ADAMTS7: variants seen among roughly 807,000 people sequenced by gnomAD.
The protein encoded by ADAMTS7 is ADAM metallopeptidase with thrombospondin type 1 motif 7, also known as A disintegrin and metalloproteinase with thrombospondin motifs 7.
A neutral mutation model predicts 172.6 loss-of-function variants in ADAMTS7; 89 were observed. That is an observed-to-expected ratio of 0.52 (90% CI 0.43 to 0.61). ADAMTS7 has a LOEUF of 0.61. Ranked by LOEUF, ADAMTS7 falls within the 20% of genes least tolerant of loss-of-function variation. The probability of loss-of-function intolerance (pLI) is 0.00; values close to 1 mark genes in which losing one functional copy is unlikely to be tolerated. For synonymous variants in ADAMTS7, 885 were observed against 978.4 expected (o/e 0.90, Z 1.78); for missense variants, 1,973 against 2,355.6 (o/e 0.84, Z 3.36).
Position 78,789,787 on chromosome 15 carries a change from G to A in ADAMTS7, c.1080C>T (p.Ser360=), listed in dbSNP as rs1324443747. 1.2e-6 allele frequency: 2 copies of A among 1,609,534 alleles called. No individual in the cohort carries two copies. The highest frequency in any genetic ancestry group is 1.7e-6 in the Non-Finnish European group (2 of 1,178,260). ...MNRPCETLGL[S]HVAGMCQPHR... ...GCGGCTGGCACATGCCCGCCACATG[G>A]GACAGTCCCAGGGTCTCACAGGGCC... The change falls in exon 7 of 24, where the codon TCC becomes TCT. Residue 360 remains serine, a synonymous_variant. Transcript: ENST00000388820.
rs2055108370 is a variant in ADAMTS7, at chr15:78,764,562, C to G, written c.4412G>C (p.Trp1471Ser). 1.3e-6 allele frequency: 2 copies of G among 1,550,024 alleles called. No individual in the cohort carries two copies. Among genetic ancestry groups the G allele is most frequent in the Non-Finnish European group, 1.7e-6 (2 of 1,155,540 alleles). The change falls in exon 20 of 24, where the codon TGG (tryptophan) becomes TCG (serine). Residue 1471 changes from tryptophan to serine, a missense_variant. This residue lies in a region of ADAMTS7 where 218 missense variants were observed against 216.9 expected (regional missense o/e 1.01). Transcript: ENST00000388820. Reference protein sequence around the residue: ...RPCATWHSGNWSKCSRSCGGG... With the variant: ...RPCATWHSGNSSKCSRSCGGG... ...GGCTCCATCCTCACGCACCTTACTC[C>G]AGTTGCCTGAGTGCCAGGTGGCACA... is the stretch of plus-strand genomic sequence containing the variant.
chr15:78,779,401 A>G (rs1233648124), intron 8 of ADAMTS7, among the ~76,000 whole-genome samples: 1 of 152,144 alleles, frequency 6.6e-6, no homozygotes, highest in Non-Finnish European at 1.5e-5. Flanking sequence ...TGTGATGGCC[A>G]GGATCTGGAG....
In ADAMTS7 at chr15:78,763,841, G is replaced by A. The variant is rs1267591397; in HGVS notation, c.4598C>T (p.Ser1533Phe). 6.3e-7 allele frequency: 1 copy of A among 1,582,964 alleles called. No homozygotes were observed. Among genetic ancestry groups the A allele is most frequent in the Non-Finnish European group, 8.6e-7 (1 of 1,168,250 alleles). Residue 1533 changes from serine (S) to phenylalanine (F), a missense_variant, in exon 22 of 24, where the codon TCC (serine) becomes TTC (phenylalanine). This residue lies in a region of ADAMTS7 where 218 missense variants were observed against 216.9 expected (regional missense o/e 1.01). Transcript: ENST00000388820. Reference sequence around the variant, plus strand: ...CTGCTCACCACCGCCACAGGCCTCGGAGCACTGGGTGGGCAGGGAAGGAGT... The same window carrying A: ...CTGCTCACCACCGCCACAGGCCTCGAAGCACTGGGTGGGCAGGGAAGGAGT... ...SWYTSSWREC[S>F]EACGGGEQQR...
intron 23 of ADAMTS7, among the ~76,000 whole-genome samples, chr15:78,760,958 T>C (rs1182151188): frequency 6.6e-6 from 1 of 152,096 alleles, no homozygotes; most frequent in African/African-American, 2.4e-5. Flanking sequence ...CTCTGCCCCA[T>C]CTGGTCCTCC....
At chr15:78,767,691 T>C in intron 17 of ADAMTS7, 99 bp from the exon 18 acceptor site, 4 of 1,165,046 alleles carry the variant, frequency 3.4e-6, no homozygotes, top group Non-Finnish European at 4.8e-6. Flanking sequence ...GCCCTCGGCA[T>C]TTGGGTAGAG....
chr15:78,788,568 T>TA (rs2055538087), intron 7 of ADAMTS7, among the ~76,000 whole-genome samples, 194 bp from the exon 8 acceptor site: 1 of 152,220 alleles, frequency 6.6e-6, no homozygotes, highest in South Asian at 2.1e-4. Flanking sequence ...AATGAGGGTA[T>TA]GACAGCTAGT....
Position 78,766,930 on chromosome 15 carries a change from C to T in ADAMTS7, c.2981G>A (p.Cys994Tyr), listed in dbSNP as rs2141476015. Reference protein sequence around the residue: ...ASEVTCSLPLCRWPLGTLGPE... With the variant: ...ASEVTCSLPLYRWPLGTLGPE... ...GCCCAGTGTGCCCAGGGGCCACCGA[C>T]AGAGTGGCAGAGAGCAGGTGACTTC... Residue 994 changes from cysteine to tyrosine, a missense_variant, in exon 19 of 24, where the codon TGT becomes TAT. Physicochemically the swap from Cys to Tyr is radical, Grantham distance 194. This residue lies in a region of ADAMTS7 where 771 missense variants were observed against 952.6 expected (regional missense o/e 0.81). Coordinates refer to ENST00000388820, the MANE Select transcript of ADAMTS7 (RefSeq NM_014272.5). 6.2e-7 allele frequency: 1 copy of T among 1,610,642 alleles called. No individual in the cohort carries two copies. The highest frequency in any genetic ancestry group is 8.5e-7 in the Non-Finnish European group (1 of 1,179,518).
intron 4 of ADAMTS7, 59 bp from the exon 5 acceptor site, chr15:78,791,282 G>GCCCCCGGCCCCCC: frequency 6.7e-7 from 1 of 1,488,260 alleles, no homozygotes; most frequent in Non-Finnish European, 9.1e-7. Flanking sequence ...AGCAGCCAAT[G>GCCCCCGGCCCCCC]CCCACCCCAA....
chr15:78,794,331 G>A (rs919803183), intron 4 of ADAMTS7, among the ~76,000 whole-genome samples: 7 of 152,232 alleles, frequency 4.6e-5, no homozygotes, highest in Non-Finnish European at 1.5e-5. Context: ...ATATTCACAA[G>A]GCTCCAGCCC....
At chr15:78,803,653 A>G (rs2055753934) in intron 1 of ADAMTS7, among the ~76,000 whole-genome samples, 2 of 152,184 alleles carry the variant, frequency 1.3e-5, no homozygotes, top group Admixed American at 1.3e-4. Context: ...GGGTTTTGCC[A>G]TGTTGGCAAG....
intron 8 of ADAMTS7, among the ~76,000 whole-genome samples, chr15:78,783,575 G>A (rs1237983096): frequency 6.6e-6 from 1 of 152,150 alleles, no homozygotes; most frequent in East Asian, 1.9e-4. Context: ...ACCACGCCTG[G>A]CCAAGGAAAC....
Position 78,789,672 on chromosome 15 carries a change from G to A in ADAMTS7, c.1178+17C>T, listed in dbSNP as rs1343164279. The A allele has an allele frequency of 6.2e-7, 1 of 1,613,376 alleles. No homozygotes were observed. Among genetic ancestry groups the A allele is most frequent in the Non-Finnish European group, 8.5e-7 (1 of 1,179,820 alleles). ...GAAGCTCGGCTCTCAGTGTAGCAAT[G>A]GGGGCAGGCACAGTACCTGTGCCCG... On this transcript the variant is annotated intron_variant, in intron 7 of 23. Transcript: ENST00000388820.
rs1224461159 is a variant in ADAMTS7 at position 78,760,967 on chromosome 15, C to CAT, written c.4904-1390_4904-1389insAT. Among the ~76,000 whole-genome samples, 1,390 of 152,212 alleles carry CAT rather than the reference C, an allele frequency of 9.1e-3. 26 individuals are homozygous for CAT. Among genetic ancestry groups the CAT allele is most frequent in the African/African-American group, 0.031 (1,304 of 41,532 alleles). On this transcript the variant is annotated intron_variant, in intron 23 of 23. Coordinates refer to ENST00000388820, the MANE Select transcript of ADAMTS7 (RefSeq NM_014272.5). The stretch of plus-strand genomic sequence containing the variant: ...TCTGTTCTCTGCCCCATCTGGTCCT[C>CAT]CCCCACTGGGATCATAACCACCCCG...
rs888402451 is a variant in ADAMTS7 at position 78,776,479 on chromosome 15, AATCATC to A, written c.1561-152_1561-147del. The stretch of plus-strand genomic sequence containing the variant: ...AGAGAGGCACCCTCACAATCATCAC[AATCATC>A]TGTGACCCAGGCCACATGGAGGAGC... On this transcript the variant is annotated intron_variant, in intron 10 of 23. Coordinates refer to ENST00000388820, the MANE Select transcript of ADAMTS7 (RefSeq NM_014272.5). 5 of 1,264,516 alleles carry A rather than the reference AATCATC, an allele frequency of 4.0e-6. No individual in the cohort carries two copies. In the African/African-American group the frequency reaches 7.5e-5, roughly 19 times the overall value. 78.3% of individuals were successfully genotyped at this position (1,264,516 alleles called of 1,614,324 possible).
At chr15:78,795,099 GT>G (rs755253640) in intron 4 of ADAMTS7, among the ~76,000 whole-genome samples, 11 of 152,212 alleles carry the variant, frequency 7.2e-5, no homozygotes, top group Non-Finnish European at 1.2e-4. Flanking sequence ...TTAACCATTG[GT>G]GGCTCAAGTC....
Position 78,789,676 on chromosome 15 carries a change from G to T in ADAMTS7, c.1178+13C>A. On this transcript the variant is annotated intron_variant, in intron 7 of 23. Transcript: ENST00000388820. Reference sequence around the variant, plus strand: ...CTCGGCTCTCAGTGTAGCAATGGGGGCAGGCACAGTACCTGTGCCCGAGCT... The same window carrying T: ...CTCGGCTCTCAGTGTAGCAATGGGGTCAGGCACAGTACCTGTGCCCGAGCT... The T allele has an allele frequency of 6.2e-7, 1 of 1,613,464 alleles. No homozygotes were observed. Among genetic ancestry groups the T allele is most frequent in the African/African-American group, 1.3e-5 (1 of 75,058 alleles).
At position 78,768,192 on chromosome 15, in the gene ADAMTS7, G is replaced by C. The variant is rs751406598; in HGVS notation, c.2586C>G (p.Asp862Glu). ...GTTGGTCATCAGGCCGGCCCAGGGGGTCACAGTGCTCCTCGTCCACGGGCC... is the reference window on the plus strand; with the variant it reads ...GTTGGTCATCAGGCCGGCCCAGGGGCTCACAGTGCTCCTCGTCCACGGGCC... ...QAGPVDEEHC[D>E]PLGRPDDQQR... Residue 862 changes from aspartate (D) to glutamate (E), a missense_variant, in exon 17 of 24, where the codon GAC becomes GAG. Physicochemically the swap from Asp to Glu is conservative, Grantham distance 45. Around this residue, in one of 8 missense-constraint regions of ADAMTS7, gnomAD observed 771 missense variants for 952.6 expected, o/e 0.81. Transcript: ENST00000388820. 6.2e-7 allele frequency: 1 copy of C among 1,609,976 alleles called. No individual in the cohort carries two copies. The highest frequency in any genetic ancestry group is 1.1e-5 in the South Asian group (1 of 90,774).
In ADAMTS7 at chr15:78,763,921, C is replaced by T; in HGVS notation, c.4593+5G>A. Reference sequence around the variant, plus strand: ...CCTCCCCCCAACTCAACGGCCAGGCCTCACCTCCCTCCAGGAAGATGTGTA... The same window carrying T: ...CCTCCCCCCAACTCAACGGCCAGGCTTCACCTCCCTCCAGGAAGATGTGTA... On this transcript the variant is annotated splice_donor_5th_base_variant and intron_variant, in intron 21 of 23. Coordinates refer to ENST00000388820, the MANE Select transcript of ADAMTS7 (RefSeq NM_014272.5). 1 of 1,550,720 alleles carries T rather than the reference C, an allele frequency of 6.4e-7. No individual in the cohort carries two copies. Among genetic ancestry groups the T allele is most frequent in the Non-Finnish European group, 8.7e-7 (1 of 1,148,126 alleles).
In ADAMTS7 at chr15:78,767,442, A is replaced by C; in HGVS notation, c.2796T>G (p.Thr932=). ...PACEHLPRPP[T]ETPCNRHVPC... Reference sequence around the variant, plus strand: ...GTACATGGCGGTTGCAAGGGGTTTCAGTAGGGGGCCGGGGAAGGTGTTCAC... The same window carrying C: ...GTACATGGCGGTTGCAAGGGGTTTCCGTAGGGGGCCGGGGAAGGTGTTCAC... Residue 932 remains threonine (T), a synonymous_variant, in exon 18 of 24, where the codon ACT becomes ACG. Transcript: ENST00000388820. 6.2e-7 allele frequency: 1 copy of C among 1,611,826 alleles called. No homozygotes were observed.
Sources: gnomAD v4.1 joint callset for allele counts (sites outside exome capture counted in the v4.1 genomes callset) on GRCh38, gnomAD v4.1.1 for gene constraint, gnomAD v4.1.1 regional missense constraint, MANE v1.5 for transcripts, NCBI Gene and HGNC (gene_info 2026-07-23, HGNC 2026-07-21) for gene names.